ULK1: variants seen among roughly 807,000 people sequenced by gnomAD.
The protein encoded by ULK1 is unc-51 like autophagy activating kinase 1, also known as serine/threonine-protein kinase ULK1.
A neutral mutation model predicts 117.5 loss-of-function variants in ULK1; 48 were observed. That is an observed-to-expected ratio of 0.41 (90% CI 0.32 to 0.52). The LOEUF is 0.52. ULK1 is among the 20% of genes least tolerant of loss of function. ULK1 has a pLI of 0.29. For missense variants in ULK1, 1,387 were observed against 1,473.4 expected, an observed-to-expected ratio of 0.94 and a Z score of 0.96; for synonymous variants, 790 against 637.8, an observed-to-expected ratio of 1.24 and a Z score of -3.60.
In ULK1 at chr12:131,903,808, C is replaced by T. The variant is rs1466116106; in HGVS notation, c.247-3084C>T. Among the ~76,000 whole-genome samples the T allele has an allele frequency of 2.0e-5, 3 of 152,146 alleles. No individual in the cohort carries two copies. The highest frequency in any genetic ancestry group is 4.4e-5 in the Non-Finnish European group (3 of 68,008). On this transcript the variant is annotated intron_variant, in intron 3 of 27. Coordinates refer to ENST00000321867, the MANE Select transcript of ULK1 (RefSeq NM_003565.4). This position sits in a 1 kb window ranked among gnomAD's most constrained non-coding sequence, Gnocchi z 6.0. ...GGAGGTGCTTCGGTCCCACAGCCCC[C>T]TGCCCACTCCCTCCTGGGAGCTGGT...
chr12:131,911,607 T>A (rs1222551559), intron 12 of ULK1, among the ~76,000 whole-genome samples: 1 of 151,980 alleles, frequency 6.6e-6, no homozygotes. Flanking sequence ...GCTATGCCGA[T>A]GGAAAAGTGA....
At chr12:131,920,542 C>T in intron 26 of ULK1, 1 of 221,132 alleles carries the variant, frequency 4.5e-6, no homozygotes, top group Non-Finnish European at 9.0e-6. Context: ...CTCCCTCTGC[C>T]TCTGAGGTGG....
intron 22 of ULK1, 80 bp from the exon 23 acceptor site, chr12:131,918,417 G>T: frequency 6.7e-7 from 1 of 1,488,076 alleles, no homozygotes; most frequent in Non-Finnish European, 9.0e-7. Context: ...GGCCCTGGAG[G>T]TGTGGGAGTC....
chr12:131,907,907 C>T (rs1159754218), intron 5 of ULK1, among the ~76,000 whole-genome samples: 1 of 115,518 alleles, frequency 8.7e-6, no homozygotes, highest in Non-Finnish European at 1.7e-5. Context: ...CGGGGCGGGG[C>T]GGGGCAGAGG....
chr12:131,919,941 C>A, intron 25 of ULK1, 38 bp from the exon 26 acceptor site: 2 of 1,600,388 alleles, frequency 1.2e-6, no homozygotes, highest in South Asian at 2.2e-5. Context: ...TGCCCCGTGT[C>A]TGCTGCACCC....
At chr12:131,913,302 TG>T in intron 14 of ULK1, 44 bp downstream of exon 14, 1 of 1,493,438 alleles carries the variant, frequency 6.7e-7, no homozygotes. Flanking sequence ...GGAGAGAAAC[TG>T]TGGCCTTGGA....
At chr12:131,908,580 G>A (rs1356166704) in intron 5 of ULK1, 64 bp from the exon 6 acceptor site, 2 of 1,419,466 alleles carry the variant, frequency 1.4e-6, no homozygotes, top group African/African-American at 1.5e-5. Flanking sequence ...CGGCCTGGCT[G>A]CGCGGGACTC....
At chr12:131,907,365 G>A in intron 4 of ULK1, 130 bp from the exon 5 acceptor site, 3 of 1,178,352 alleles carry the variant, frequency 2.5e-6, no homozygotes, top group South Asian at 1.5e-5. Flanking sequence ...GGGGACACCT[G>A]CCCTGGGCTG....
chr12:131,918,766 TGTGTGGGGTGTCGG>T (rs1251664335), intron 23 of ULK1, 85 bp downstream of exon 23: 14 of 1,199,506 alleles, frequency 1.2e-5, no homozygotes, highest in East Asian at 1.0e-4. Flanking sequence ...GGGTATAGGG[TGTGTGGGGTGTCGG>T]GTGTGGGGTG....
Position 131,919,714 on chromosome 12 carries a change from C to CT in ULK1, c.2803+124_2803+125insT, listed in dbSNP as rs540473555. ...GCCCCTGTGCAGAGGTGCAGAGGCCCCGGGGCCTGGCCCAGTGTGCAGAGC... is the reference window on the plus strand; with the variant it reads ...GCCCCTGTGCAGAGGTGCAGAGGCCCTCGGGGCCTGGCCCAGTGTGCAGAGC... On this transcript the variant is annotated intron_variant, in intron 25 of 27. Coordinates refer to ENST00000321867, the MANE Select transcript of ULK1 (RefSeq NM_003565.4). The CT allele has an allele frequency of 1.3e-3, 1,549 of 1,191,190 alleles. 26 individuals are homozygous for CT. The African/African-American group carries it at 0.021, about 16-fold the overall frequency. The allele number at this position is 1,191,190 out of a possible 1,614,324, so 73.8% of individuals were successfully genotyped here.
At position 131,917,499 on chromosome 12, in the gene ULK1, C is replaced by A. The variant is rs55693180; in HGVS notation, c.2271C>A (p.Gly757=). The A allele has an allele frequency of 0.012, 18,074 of 1,488,804 alleles. 142 individuals are homozygous for A. The highest frequency in any genetic ancestry group is 0.015 in the Non-Finnish European group (16,477 of 1,117,676). The allele number at this position is 1,488,804 out of a possible 1,614,324, so 92.2% of individuals were successfully genotyped here. A position where few individuals can be genotyped will look rare whatever the true frequency, so the allele number is the denominator to read the frequency against. The change falls in exon 22 of 28, where the codon GGC becomes GGA. Residue 757 remains glycine (G), a synonymous_variant. Transcript: ENST00000321867. The stretch of plus-strand genomic sequence containing the variant: ...CTTCCCCGGTGGTCTTCACCGTGGG[C>A]TCTCCCCCGAGCGGGAGCACGCCCC... ...SSPSPVVFTV[G]SPPSGSTPPQ... is the part of the protein sequence containing the mutation.
At chr12:131,906,143 G>A (rs548972686) in intron 3 of ULK1, among the ~76,000 whole-genome samples, 1 of 152,152 alleles carries the variant, frequency 6.6e-6, no homozygotes, top group African/African-American at 2.4e-5. Context: ...GCCCAGGCTG[G>A]AGTGCAGTGG....
At position 131,894,976 on chromosome 12, in the gene ULK1, CCCCGCGCCCCCGG is replaced by C. The variant is rs1179874462; in HGVS notation, c.-20_-8del. 2.4e-6 allele frequency: 3 copies of C among 1,251,066 alleles called. No homozygotes were observed. The highest frequency in any genetic ancestry group is 3.0e-6 in the Non-Finnish European group (3 of 987,708). The allele number at this position is 1,251,066 out of a possible 1,614,324, so 77.5% of individuals were successfully genotyped here. On this transcript the variant is annotated 5_prime_UTR_variant, in exon 1 of 28. Transcript: ENST00000321867. ...CCGCGCCTTGGCCCGCCACCCCCCG[CCCCGCGCCCCCGG>C]CCCGCCTGCGCCATGGAGCCCGGCC...
chr12:131,916,246 G>A, intron 19 of ULK1, 87 bp downstream of exon 19: 2 of 1,548,278 alleles, frequency 1.3e-6, no homozygotes, highest in Non-Finnish European at 1.7e-6. Context: ...ACCGAGGAAG[G>A]CAGCTCTGTA....
At chr12:131,899,453 G>A (rs1889004322) in intron 3 of ULK1, among the ~76,000 whole-genome samples, 2 of 151,982 alleles carry the variant, frequency 1.3e-5, no homozygotes, top group South Asian at 4.1e-4. Context: ...CTCCGAAAGT[G>A]CTAGGATTAC....
intron 15 of ULK1, 76 bp from the exon 16 acceptor site, chr12:131,914,276 C>T: frequency 1.3e-6 from 2 of 1,569,398 alleles, no homozygotes; most frequent in Non-Finnish European, 1.7e-6. Flanking sequence ...AGGCTTTCTT[C>T]TGGTGCCCCA....
At chr12:131,911,264 G>A (rs911938907) in intron 12 of ULK1, among the ~76,000 whole-genome samples, 1 of 152,208 alleles carries the variant, frequency 6.6e-6, no homozygotes, top group Non-Finnish European at 1.5e-5. Context: ...TGGGAGCCTG[G>A]CTCTCAGGCA....
Position 131,918,498 on chromosome 12 carries a change from G to A in ULK1, c.2328G>A (p.Ala776=), listed in dbSNP as rs145136306. 2.1e-4 allele frequency: 339 copies of A among 1,608,966 alleles called. No individual in the cohort carries two copies. The highest frequency in any genetic ancestry group is 5.0e-4 in the Middle Eastern group (3 of 5,966). The change falls in exon 23 of 28, where the codon GCG becomes GCA. Residue 776 remains alanine (A), a splice_region_variant and synonymous_variant. Transcript: ENST00000321867. ...PQGPRTRMFS[A]GPTGSASSSA... is the part of the protein sequence containing the mutation. ...CCCCTCATCGCCCTCTCCCTGCAGC[G>A]GGCCCCACTGGCTCTGCCAGCTCTT...
chr12:131,916,964 C>T lies in ULK1; in HGVS notation c.2084C>T (p.Thr695Ile). The T allele has an allele frequency of 1.2e-6, 2 of 1,610,860 alleles. No individual in the cohort carries two copies. The highest frequency in any genetic ancestry group is 1.7e-6 in the Non-Finnish European group (2 of 1,179,102). ...GCACACTCCCACAGGTCTTTCAGCA[C>T]CAGCCGCCTCACTGACCTGCTCCTT... ...PKGPFGRSFS[T>I]SRLTDLLLKA... The change falls in exon 21 of 28, where the codon ACC becomes ATC. Residue 695 changes from threonine (T) to isoleucine (I), a missense_variant. Physicochemically the swap from Thr to Ile is moderately conservative, Grantham distance 89. Around this residue, in one of 4 missense-constraint regions of ULK1, gnomAD observed 900 missense variants for 858.9 expected, o/e 1.05. Transcript: ENST00000321867.
Sources: allele counts gnomAD v4.1 joint callset (sites outside exome capture counted in the v4.1 genomes callset), GRCh38; gene constraint gnomAD v4.1.1; regional missense constraint gnomAD v4.1.1; non-coding constraint Gnocchi (gnomAD v3.1); transcripts MANE v1.5; gene names NCBI Gene and HGNC (gene_info 2026-07-23, HGNC 2026-07-21).